The following DNAH17 variants were observed in gnomAD, a reference collection of about 807,000 sequenced individuals.
DNAH17 encodes the protein dynein axonemal heavy chain 17.
DNAH17 carries 376 observed loss-of-function variants against 485.6 expected under a neutral mutation model. That is an observed-to-expected ratio of 0.77 (90% CI 0.71 to 0.84). The LOEUF (loss-of-function observed/expected upper bound fraction) is 0.84. DNAH17 is among the 40% of genes least tolerant of loss of function. DNAH17 has a pLI of 0.00. For synonymous variants in DNAH17, 3,031 were observed against 2,405.9 expected, an observed-to-expected ratio of 1.26 and a Z score of -7.60; for missense variants, 6,370 against 5,839.3, an observed-to-expected ratio of 1.09 and a Z score of -2.96.
intron 40 of DNAH17, 133 bp downstream of exon 40, chr17:78,494,460 G>A (rs1169274051): frequency 2.8e-6 from 3 of 1,088,788 alleles, no homozygotes; most frequent in South Asian, 1.5e-5. Context: ...AGGCAGCTGT[G>A]GCTCAGAGGT....
intron 54 of DNAH17, among the ~76,000 whole-genome samples, chr17:78,471,002 T>TA (rs2088723429): frequency 6.6e-6 from 1 of 152,228 alleles, no homozygotes; most frequent in Non-Finnish European, 1.5e-5. Context: ...CATGTATATA[T>TA]ATGTTCAGAA....
In DNAH17 at chr17:78,462,844, C is replaced by T. The variant is rs2088206820; in HGVS notation, c.9174G>A (p.Gln3058=). 2 of 1,613,812 alleles carry T rather than the reference C, an allele frequency of 1.2e-6. No individual in the cohort carries two copies. Among genetic ancestry groups the T allele is most frequent in the African/African-American group, 1.3e-5 (1 of 74,916 alleles). ...CTGGCAGCCAGCCCCCCTCTCCTAC[C>T]TGGGAAGCCGTGCTCTGCAGCTTCA... is the stretch of plus-strand genomic sequence containing the variant. ...GLMKLQSTAS[Q]VDDLKAKLAI... Residue 3058 remains glutamine, a splice_region_variant and synonymous_variant, in exon 57 of 81, where the codon CAG becomes CAA. Coordinates refer to ENST00000389840, the MANE Select transcript of DNAH17 (RefSeq NM_173628.4).
intron 9 of DNAH17, among the ~76,000 whole-genome samples, chr17:78,568,482 T>C (rs2143706547): frequency 6.6e-6 from 1 of 152,268 alleles, no homozygotes; most frequent in South Asian, 2.1e-4. Flanking sequence ...GTGCACAAAG[T>C]TTTTAAAAAT....
chr17:78,576,587 C>T (rs577946984), intron 1 of DNAH17, among the ~76,000 whole-genome samples: 28 of 152,258 alleles, frequency 1.8e-4, no homozygotes, highest in African/African-American at 6.3e-4. Context: ...TCTCCGAGAC[C>T]CGGGGACGCG....
At chr17:78,476,873 G>T in intron 51 of DNAH17, 140 bp from the exon 52 acceptor site, 2 of 1,019,310 alleles carry the variant, frequency 2.0e-6, no homozygotes, top group Non-Finnish European at 1.4e-6. Context: ...TTCACTTGGG[G>T]CCAGGGAAGC....
chr17:78,572,662 C>A, intron 3 of DNAH17, 39 bp downstream of exon 3: 1 of 1,539,888 alleles, frequency 6.5e-7, no homozygotes, highest in South Asian at 1.2e-5. Flanking sequence ...GTGCCTCTTC[C>A]CCACCCAGCG....
intron 16 of DNAH17, among the ~76,000 whole-genome samples, chr17:78,547,886 G>A (rs2091807817): frequency 2.0e-5 from 3 of 152,174 alleles, no homozygotes; most frequent in Admixed American, 2.0e-4. Context: ...CCAAAGTGCT[G>A]GGATTACAGG....
Position 78,461,625 on chromosome 17 carries a change from C to T in DNAH17, c.9258G>A (p.Val3086=), listed in dbSNP as rs1330302971. 1.9e-6 allele frequency: 3 copies of T among 1,611,172 alleles called. No individual in the cohort carries two copies. In the African/African-American group the frequency reaches 4.0e-5, roughly 21 times the overall value. Residue 3086 remains valine (V), a synonymous_variant, in exon 58 of 81, where the codon GTG becomes GTA. Transcript: ENST00000389840. ...KNESADQLIQ[V]VGIEAEKVSK... is the part of the protein sequence containing the mutation. Reference sequence around the variant, plus strand: ...TGACCTTCTCGGCCTCGATGCCGACCACCTGGATCAGTTGGTCTGCGCTCT... The same window carrying T: ...TGACCTTCTCGGCCTCGATGCCGACTACCTGGATCAGTTGGTCTGCGCTCT...
chr17:78,491,386 GCC>G, intron 43 of DNAH17, 55 bp downstream of exon 43: 2 of 1,584,484 alleles, frequency 1.3e-6, no homozygotes, highest in Non-Finnish European at 1.7e-6. Flanking sequence ...CTCCCTGTGA[GCC>G]CCCGTTGTCC....
rs1322869084 is a variant in DNAH17, at chr17:78,462,869, A to G, written c.9149T>C (p.Met3050Thr). 5.6e-6 allele frequency: 9 copies of G among 1,613,858 alleles called. No individual in the cohort carries two copies. Among genetic ancestry groups the G allele is most frequent in the South Asian group, 1.1e-5 (1 of 91,086 alleles). Residue 3050 changes from methionine (M) to threonine (T), a missense_variant, in exon 57 of 81, where the codon ATG becomes ACG. Transcript: ENST00000389840. ...CTGGGAAGCCGTGCTCTGCAGCTTC[A>G]TCAGGCCGTTCTCCAGCCTCTCGAT... ...AKIERLENGL[M>T]KLQSTASQVD...
At position 78,468,665 on chromosome 17, in the gene DNAH17, C is replaced by A; in HGVS notation, c.8730G>T (p.Arg2910=). Residue 2910 remains arginine, a synonymous_variant, in exon 55 of 81, where the codon CGG becomes CGT. Coordinates refer to ENST00000389840, the MANE Select transcript of DNAH17 (RefSeq NM_173628.4). ...CGATGAAGAACTTCCAACATGTTTC[C>A]CGAGTGTCATTCATGCCAAGGGACT... The part of the protein sequence containing the change: ...QVKSLGMNDT[R]ETCWKFFIEK... 6.2e-7 allele frequency: 1 copy of A among 1,613,964 alleles called. No individual in the cohort carries two copies. The highest frequency in any genetic ancestry group is 8.5e-7 in the Non-Finnish European group (1 of 1,179,878).
intron 30 of DNAH17, among the ~76,000 whole-genome samples, chr17:78,506,244 C>G (rs1023593704): frequency 6.7e-6 from 1 of 148,990 alleles, no homozygotes; most frequent in Non-Finnish European, 1.5e-5. Context: ...CGGGTTCAAG[C>G]AATTATCATG....
intron 20 of DNAH17, among the ~76,000 whole-genome samples, chr17:78,531,484 G>A (rs993275152): frequency 7.2e-5 from 11 of 151,808 alleles, no homozygotes; most frequent in African/African-American, 1.5e-4. Context: ...AACTACAGGC[G>A]CCTGCCACCA....
Position 78,490,740 on chromosome 17 carries a change from G to A in DNAH17, c.6777C>T (p.Ala2259=), listed in dbSNP as rs763913359. 9.3e-6 allele frequency: 15 copies of A among 1,607,232 alleles called. No individual in the cohort carries two copies. The highest frequency in any genetic ancestry group is 2.2e-5 in the South Asian group (2 of 89,580). ...RTATPATVSR[A]GILYINPADL... is the part of the protein sequence containing the mutation. ...CGGCTGGGTTGATGTAGAGGATGCC[G>A]GCTCTGGAAACGGTGGCTGGGGTGG... The change falls in exon 44 of 81, where the codon GCC becomes GCT. Residue 2259 remains alanine, a synonymous_variant. Coordinates refer to ENST00000389840, the MANE Select transcript of DNAH17 (RefSeq NM_173628.4).
chr17:78,499,988 T>C lies in DNAH17; in HGVS notation c.5640+317A>G, dbSNP rs934331158. ...TTGTACCCCACCCCATGCTGAACCA[T>C]GAGGGAGGTGCTCACCCCTGTGCGG... On this transcript the variant is annotated intron_variant, in intron 36 of 80. Transcript: ENST00000389840. The C allele has an allele frequency of 2.2e-5, 6 of 270,412 alleles. No individual in the cohort carries two copies. In the South Asian group the frequency reaches 2.3e-4, roughly 10 times the overall value. 16.8% of individuals were successfully genotyped at this position (270,412 alleles called of 1,614,324 possible).
chr17:78,571,973 A>G (rs2092365118), intron 3 of DNAH17, among the ~76,000 whole-genome samples, 191 bp from the exon 4 acceptor site: 1 of 152,150 alleles, frequency 6.6e-6, no homozygotes, highest in African/African-American at 2.4e-5. Context: ...CTAGGAAGAG[A>G]GCCCAGGGAA....
At position 78,426,997 on chromosome 17, in the gene DNAH17, C is replaced by G. The variant is rs1415475443; in HGVS notation, c.12700G>C (p.Glu4234Gln). The G allele has an allele frequency of 6.2e-7, 1 of 1,610,350 alleles. No individual in the cohort carries two copies. The highest frequency in any genetic ancestry group is 2.2e-5 in the East Asian group (1 of 44,812). The change falls in exon 78 of 81, where the codon GAA becomes CAA. Residue 4234 changes from glutamate to glutamine, a missense_variant. Coordinates refer to ENST00000389840, the MANE Select transcript of DNAH17 (RefSeq NM_173628.4). Reference sequence around the variant, plus strand: ...GTCAGGATGTTCATTCTTTCACATTCTTGAAAGGCGACTACCACGTAGGGG... The same window carrying G: ...GTCAGGATGTTCATTCTTTCACATTGTTGAAAGGCGACTACCACGTAGGGG... Reference protein sequence around the residue: ...KTPYVVVAFQECERMNILTNE... With the variant: ...KTPYVVVAFQQCERMNILTNE...
intron 16 of DNAH17, among the ~76,000 whole-genome samples, chr17:78,544,435 G>A (rs567400354): frequency 4.7e-4 from 71 of 152,272 alleles, no homozygotes; most frequent in African/African-American, 1.4e-3. Context: ...CTGATCTGCC[G>A]ACAAGGGTGG....
chr17:78,440,150 A>T (rs534177207), intron 72 of DNAH17, among the ~76,000 whole-genome samples: 71 of 144,250 alleles, frequency 4.9e-4, no homozygotes, highest in African/African-American at 1.6e-3. Context: ...GACCAGGCTG[A>T]TCTTGAACTC....
Sources: gnomAD v4.1 joint callset for allele counts (sites outside exome capture counted in the v4.1 genomes callset) on GRCh38, gnomAD v4.1.1 for gene constraint, MANE v1.5 for transcripts, NCBI Gene and HGNC (gene_info 2026-07-23, HGNC 2026-07-21) for gene names.